SNX29: variants seen among roughly 807,000 people sequenced by gnomAD.
The protein encoded by SNX29 is sorting nexin-29.
SNX29 carries 78 observed loss-of-function variants against 102.1 expected under a neutral mutation model. The observed-to-expected ratio is 0.76, with a 90% CI of 0.64 to 0.92. SNX29 has a LOEUF of 0.92. Ranked by LOEUF, SNX29 falls within the 40% of genes least tolerant of loss-of-function variation. The pLI is 0.00. For missense variants in SNX29, 1,280 were observed against 1,061.7 expected, an observed-to-expected ratio of 1.21 and a Z score of -2.86; for synonymous variants, 580 against 414.5, an observed-to-expected ratio of 1.40 and a Z score of -4.85.
At chr16:12,170,046 G>A (rs535651772) in intron 13 of SNX29, among the ~76,000 whole-genome samples, 3 of 152,134 alleles carry the variant, frequency 2.0e-5, no homozygotes, top group Non-Finnish European at 4.4e-5. Flanking sequence ...CACTTGGGCT[G>A]GATAATCCTT....
intron 11 of SNX29, among the ~76,000 whole-genome samples, chr16:12,082,345 T>G (rs1567190163): frequency 6.6e-6 from 1 of 152,294 alleles, no homozygotes; most frequent in South Asian, 2.1e-4. Flanking sequence ...CGGCCGGGGC[T>G]GAGGTCCCAG....
chr16:12,216,292 G>A (rs1014029068), intron 14 of SNX29, among the ~76,000 whole-genome samples: 2 of 152,216 alleles, frequency 1.3e-5, no homozygotes, highest in African/African-American at 4.8e-5. Context: ...CTTGGGAGAA[G>A]CATTCTCTGC....
intron 14 of SNX29, among the ~76,000 whole-genome samples, chr16:12,242,590 C>CTTCTTCTT (rs1567349313): frequency 0.012 from 1,813 of 148,428 alleles, 50 homozygotes; most frequent in African/African-American, 0.044. Flanking sequence ...TTCTTCTTCT[C>CTTCTTCTT]TTCTTCTTCT....
chr16:12,545,420 C>G (rs2077548530), intron 20 of SNX29: 1 of 152,240 alleles, frequency 6.6e-6, no homozygotes, highest in African/African-American at 2.4e-5. Context: ...CCTGCCTGGC[C>G]CCACCCCTAG....
At chr16:12,566,401 C>G (rs1445735912) in intron 20 of SNX29, among the ~76,000 whole-genome samples, 1 of 131,472 alleles carries the variant, frequency 7.6e-6, no homozygotes. Flanking sequence ...CCCAGGCACT[C>G]TCAGAGCCTG....
At chr16:12,148,667 T>C (rs947532353) in intron 13 of SNX29, among the ~76,000 whole-genome samples, 1 of 152,174 alleles carries the variant, frequency 6.6e-6, no homozygotes, top group South Asian at 2.1e-4. Context: ...GTTTTAAGCC[T>C]CATGAGGGCA....
intron 13 of SNX29, among the ~76,000 whole-genome samples, chr16:12,155,056 A>T (rs971178652): frequency 2.6e-5 from 4 of 151,566 alleles, no homozygotes; most frequent in African/African-American, 9.7e-5. Context: ...TCTGCCTCCC[A>T]CCCCCCTTGC....
At chr16:12,412,431 C>G (rs1205709685) in intron 18 of SNX29, among the ~76,000 whole-genome samples, 3 of 152,226 alleles carry the variant, frequency 2.0e-5, no homozygotes, top group Non-Finnish European at 4.4e-5. Flanking sequence ...TTCTGTCACT[C>G]TCTCATTGAC....
intron 12 of SNX29, 47 bp from the exon 13 acceptor site, chr16:12,129,583 G>A: frequency 6.4e-7 from 1 of 1,562,578 alleles, no homozygotes; most frequent in East Asian, 2.3e-5. Context: ...GGGCTCAGTG[G>A]GGTCTGGGTT....
Position 12,098,779 on chromosome 16 carries a change from G to T in SNX29, c.1402+19864G>T, listed in dbSNP as rs1279430049. 1.3e-5 allele frequency among the ~76,000 whole-genome samples: 2 copies of T among 152,220 alleles called. No homozygotes were observed. Among genetic ancestry groups the T allele is most frequent in the Non-Finnish European group, 2.9e-5 (2 of 68,032 alleles). ...GAGCTTTGAACCTGTGGGAAGGTGG[G>T]CTTACAAAACCTCGTCCCTGAGTCT... is the stretch of plus-strand genomic sequence containing the variant. On this transcript the variant is annotated intron_variant, in intron 11 of 20. Transcript: ENST00000566228. The surrounding 1 kb of genome is among the most constrained non-coding windows in gnomAD (Gnocchi z 6.0).
At chr16:12,553,670 A>C (rs1254348547) in intron 20 of SNX29, among the ~76,000 whole-genome samples, 2 of 145,990 alleles carry the variant, frequency 1.4e-5, no homozygotes, top group East Asian at 2.1e-4. Flanking sequence ...GGCTCACTGC[A>C]ACCTCCGCCT....
intron 20 of SNX29, among the ~76,000 whole-genome samples, chr16:12,544,981 A>G (rs1351336184): frequency 6.6e-6 from 1 of 152,186 alleles, no homozygotes; most frequent in Non-Finnish European, 1.5e-5. Flanking sequence ...AGATTGAGTA[A>G]CTTGTCCTAG....
At chr16:12,212,833 G>T (rs997224830) in intron 14 of SNX29, among the ~76,000 whole-genome samples, 4 of 152,332 alleles carry the variant, frequency 2.6e-5, no homozygotes, top group African/African-American at 9.6e-5. Context: ...GTCATAAAGG[G>T]CTGGGCGCTG....
Position 12,052,081 on chromosome 16 carries a change from C to T in SNX29, c.983C>T (p.Ser328Phe), listed in dbSNP as rs1339279707. 6 of 1,613,934 alleles carry T rather than the reference C, an allele frequency of 3.7e-6. No individual in the cohort carries two copies. Among genetic ancestry groups the T allele is most frequent in the Non-Finnish European group, 5.1e-6 (6 of 1,179,870 alleles). The stretch of plus-strand genomic sequence containing the variant: ...AGCAGCAACTCATGGAAAATTGATT[C>T]CCTGTCTTTGAACGGGGAGTTTGGG... Reference protein sequence around the residue: ...SQSSNSWKIDSLSLNGEFGYQ... With the variant: ...SQSSNSWKIDFLSLNGEFGYQ... The change falls in exon 8 of 21, where the codon TCC becomes TTC. Residue 328 changes from serine (S) to phenylalanine (F), a missense_variant. By Grantham distance (155) the Ser-to-Phe change is radical. Coordinates refer to ENST00000566228, the MANE Select transcript of SNX29 (RefSeq NM_032167.5).
At chr16:12,424,129 T>G (rs2084968272) in intron 18 of SNX29, among the ~76,000 whole-genome samples, 3 of 152,236 alleles carry the variant, frequency 2.0e-5, no homozygotes, top group Non-Finnish European at 2.9e-5. Flanking sequence ...AGGATGACTT[T>G]GTACTTTTCA....
At chr16:12,489,386 C>T (rs2088421598) in intron 19 of SNX29, among the ~76,000 whole-genome samples, 1 of 152,186 alleles carries the variant, frequency 6.6e-6, no homozygotes, top group Non-Finnish European at 1.5e-5. Context: ...AATCCTCTCC[C>T]TTTCTCTCGT....
chr16:12,370,860 T>C lies in SNX29; in HGVS notation c.1899+14581T>C, dbSNP rs550247811. ...AGCACGTTATGTGATTAGATGGGAA[T>C]AGATATGTTTTGGTAAAGGGATCCC... is the stretch of plus-strand genomic sequence containing the variant. On this transcript the variant is annotated intron_variant, in intron 16 of 20. Transcript: ENST00000566228. Among the ~76,000 whole-genome samples, 7 of 152,314 alleles carry C rather than the reference T, an allele frequency of 4.6e-5. No homozygotes were observed. The South Asian group carries it at 8.3e-4, about 18-fold the overall frequency.
At chr16:12,265,540 TCTCA>T (rs2078901889) in intron 14 of SNX29, among the ~76,000 whole-genome samples, 1 of 151,884 alleles carries the variant, frequency 6.6e-6, no homozygotes, top group Non-Finnish European at 1.5e-5. Flanking sequence ...GAGGGCAGGC[TCTCA>T]CTCTTGTATT....
intron 10 of SNX29, among the ~76,000 whole-genome samples, chr16:12,077,255 G>C (rs1002470496): frequency 2.0e-5 from 3 of 150,658 alleles, no homozygotes; most frequent in Non-Finnish European, 2.9e-5. Context: ...CTCCAGCCTA[G>C]TTAACGGAGT....
Sources: allele counts gnomAD v4.1 joint callset (sites outside exome capture counted in the v4.1 genomes callset), GRCh38; gene constraint gnomAD v4.1.1; non-coding constraint Gnocchi (gnomAD v3.1); transcripts MANE v1.5; gene names NCBI Gene and HGNC (gene_info 2026-07-23, HGNC 2026-07-21).